Variants in RADIL observed in about 807,000 individuals in gnomAD.
The protein encoded by RADIL is Rap associating with DIL domain.
RADIL carries 99 observed loss-of-function variants against 97.6 expected under a neutral mutation model. That is an observed-to-expected ratio of 1.01 (90% CI 0.86 to 1.20). The LOEUF (loss-of-function observed/expected upper bound fraction) is 1.20, where lower values mean the gene tolerates loss of function less well. Among genes scored for constraint, RADIL ranks in the 50% most tolerant of loss-of-function variants. The pLI, the probability that RADIL is intolerant of heterozygous loss-of-function variation, is 0.00. For missense variants in RADIL, 1,765 were observed against 1,498.9 expected, an observed-to-expected ratio of 1.18 and a Z score of -2.93; for synonymous variants, 803 against 691.8, an observed-to-expected ratio of 1.16 and a Z score of -2.52.
At chr7:4,809,278 C>T (rs941306851) in intron 9 of RADIL, 5 of 985,276 alleles carry the variant, frequency 5.1e-6, no homozygotes, top group Middle Eastern at 5.2e-4. Context: ...CCGGGGCCCC[C>T]CTTCCATCAC....
chr7:4,808,832 CCCT>C, intron 9 of RADIL: 1 of 972,054 alleles, frequency 1.0e-6, no homozygotes, highest in Admixed American at 6.7e-5. Flanking sequence ...ACGCCACTGC[CCCT>C]CCGCGTCTCC....
chr7:4,836,482 A>G lies in RADIL; in HGVS notation c.659T>C (p.Leu220Pro). The G allele has an allele frequency of 6.2e-7, 1 of 1,607,310 alleles. No individual in the cohort carries two copies. The highest frequency in any genetic ancestry group is 8.5e-7 in the Non-Finnish European group (1 of 1,177,848). Residue 220 changes from leucine (L) to proline (P), a missense_variant, in exon 3 of 15, where the codon CTG becomes CCG. Coordinates refer to ENST00000399583, the MANE Select transcript of RADIL (RefSeq NM_018059.5). ...AGCGGGCAGGGCGTTCACTGGGCTCAGGCTGGTCTCACTGACTGTGCGGCG... is the reference window on the plus strand; with the variant it reads ...AGCGGGCAGGGCGTTCACTGGGCTCGGGCTGGTCTCACTGACTGTGCGGCG... Reference protein sequence around the residue: ...RLRRTVSETSLSPVNALPAAA... With the variant: ...RLRRTVSETSPSPVNALPAAA...
chr7:4,805,758 G>A (rs373822238), intron 9 of RADIL, 42 bp from the exon 10 acceptor site: 24 of 1,579,958 alleles, frequency 1.5e-5, no homozygotes, highest in South Asian at 1.3e-4. Context: ...GTCTCTGGGT[G>A]CAGACCCCAG....
At chr7:4,861,756 TCGG>T in intron 2 of RADIL, 3 of 1,488,768 alleles carry the variant, frequency 2.0e-6, no homozygotes, top group South Asian at 1.4e-5. Context: ...CCGTAGCGAT[TCGG>T]CGGCGGCGCC....
intron 5 of RADIL, among the ~76,000 whole-genome samples, chr7:4,831,825 T>G (rs2115220530): frequency 6.6e-6 from 1 of 152,142 alleles, no homozygotes; most frequent in African/African-American, 2.4e-5. Flanking sequence ...GAGGTGTAGG[T>G]TGCTGTGAGC....
chr7:4,877,603 A>G lies in RADIL; in HGVS notation c.535+2T>C, dbSNP rs770263893. The G allele has an allele frequency of 6.3e-7, 1 of 1,586,432 alleles. No individual in the cohort carries two copies. The highest frequency in any genetic ancestry group is 8.6e-7 in the Non-Finnish European group (1 of 1,168,074). ...TCTTCCTGAACCTGTGGCCCCCCTC[A>G]CCTGCCGTGATGGTGTCCACCTCCT... On this transcript the variant is annotated splice_donor_variant, in intron 2 of 14. Coordinates refer to ENST00000399583, the MANE Select transcript of RADIL (RefSeq NM_018059.5). LOFTEE classifies it high-confidence loss of function.
At chr7:4,874,961 G>A (rs932474967) in intron 2 of RADIL, among the ~76,000 whole-genome samples, 12 of 152,246 alleles carry the variant, frequency 7.9e-5, no homozygotes, top group Admixed American at 7.8e-4. Context: ...GGGAGGCCGA[G>A]GCGGGCGGAT....
rs1005995970 is a variant in RADIL, at chr7:4,849,526, T to C, written c.536-12921A>G. Among the ~76,000 whole-genome samples the C allele has an allele frequency of 6.6e-6, 1 of 152,098 alleles. No homozygotes were observed. The highest frequency in any genetic ancestry group is 2.4e-5 in the African/African-American group (1 of 41,428). On this transcript the variant is annotated intron_variant, in intron 2 of 14. Coordinates refer to ENST00000399583, the MANE Select transcript of RADIL (RefSeq NM_018059.5). The surrounding 1 kb of genome is among the most constrained non-coding windows in gnomAD (Gnocchi z 5.4). The stretch of plus-strand genomic sequence containing the variant: ...AGGCTACAGCTTGGTTTTTGTTGCC[T>C]GGGGCAAGGTTCTGAAACATTTCAG...
intron 5 of RADIL, among the ~76,000 whole-genome samples, chr7:4,828,435 G>C (rs956573163): frequency 6.6e-6 from 1 of 152,250 alleles, no homozygotes; most frequent in African/African-American, 2.4e-5. Flanking sequence ...TCCAGCCTGG[G>C]TGACAGAATG....
rs1179285510 is a variant in RADIL, at chr7:4,798,472, A to C, written c.*906T>G. ...GGCCACCAGTTCCACCACAGCCAGG[A>C]GGGCGCGGAAGCCACCCACACCCAG... On this transcript the variant is annotated 3_prime_UTR_variant, in exon 15 of 15. Coordinates refer to ENST00000399583, the MANE Select transcript of RADIL (RefSeq NM_018059.5). 1.3e-5 allele frequency: 2 copies of C among 152,320 alleles called. No individual in the cohort carries two copies. The highest frequency in any genetic ancestry group is 4.8e-5 in the African/African-American group (2 of 41,458). 9.4% of individuals were successfully genotyped at this position (152,320 alleles called of 1,614,324 possible). A position where few individuals can be genotyped will look rare whatever the true frequency, so the allele number is the denominator to read the frequency against.
At position 4,824,980 on chromosome 7, in the gene RADIL, C is replaced by A. The variant is rs1035456721; in HGVS notation, c.1455-2426G>T. Among the ~76,000 whole-genome samples the A allele has an allele frequency of 6.6e-6, 1 of 152,180 alleles. No homozygotes were observed. The highest frequency in any genetic ancestry group is 2.4e-5 in the African/African-American group (1 of 41,444). On this transcript the variant is annotated intron_variant, in intron 5 of 14. Transcript: ENST00000399583. The surrounding 1 kb of genome is among the most constrained non-coding windows in gnomAD (Gnocchi z 6.7). ...TCGGGCCAGGTTGGCACTGAACGCG[C>A]CCCCACCTGCCAACCTGGGGCCATG...
chr7:4,827,656 A>G (rs1298452300), intron 5 of RADIL, among the ~76,000 whole-genome samples: 1 of 152,154 alleles, frequency 6.6e-6, no homozygotes, highest in Non-Finnish European at 1.5e-5. Flanking sequence ...GCGAGTCTCC[A>G]TCGCAAAAAC....
rs759026589 is a variant in RADIL, at chr7:4,813,419, T to G, written c.2139+1859A>C. 1.1e-4 allele frequency among the ~76,000 whole-genome samples: 16 copies of G among 152,172 alleles called. No individual in the cohort carries two copies. Among genetic ancestry groups the G allele is most frequent in the South Asian group, 2.1e-4 (1 of 4,828 alleles). Reference sequence around the variant, plus strand: ...GCTTTTGGTTCCGTTTTAAAGCCTCTCTCCATCGCACTCCCTGGAGATTCA... The same window carrying G: ...GCTTTTGGTTCCGTTTTAAAGCCTCGCTCCATCGCACTCCCTGGAGATTCA... On this transcript the variant is annotated intron_variant, in intron 9 of 14. Coordinates refer to ENST00000399583, the MANE Select transcript of RADIL (RefSeq NM_018059.5). The surrounding 1 kb of genome is among the most constrained non-coding windows in gnomAD (Gnocchi z 5.0).
chr7:4,860,732 G>C (rs758109462), intron 2 of RADIL: 1 of 1,614,036 alleles, frequency 6.2e-7, no homozygotes, highest in East Asian at 2.2e-5. Context: ...AAAGAGTTTG[G>C]ACCACTCTGC....
intron 2 of RADIL, among the ~76,000 whole-genome samples, chr7:4,839,637 A>G (rs984683871): frequency 6.6e-6 from 1 of 152,092 alleles, no homozygotes; most frequent in African/African-American, 2.4e-5. Flanking sequence ...GACTTATTTC[A>G]TTTTTTTAAA....
At chr7:4,847,546 T>C (rs1428698299) in intron 2 of RADIL, among the ~76,000 whole-genome samples, 2 of 151,988 alleles carry the variant, frequency 1.3e-5, no homozygotes, top group East Asian at 1.9e-4. Context: ...TATGCACAAA[T>C]GTTCACAGCA....
chr7:4,835,367 T>G lies in RADIL; in HGVS notation c.784-128A>C, dbSNP rs1783266783. The G allele has an allele frequency of 1.6e-6, 2 of 1,230,008 alleles. No individual in the cohort carries two copies. Among genetic ancestry groups the G allele is most frequent in the Non-Finnish European group, 1.1e-6 (1 of 888,538 alleles). The allele number at this position is 1,230,008 out of a possible 1,614,324, so 76.2% of individuals were successfully genotyped here. On this transcript the variant is annotated intron_variant, in intron 3 of 14. Transcript: ENST00000399583. The surrounding 1 kb of genome is among the most constrained non-coding windows in gnomAD (Gnocchi z 5.8). Reference sequence around the variant, plus strand: ...TGTCGCCACGGGCTCTCCATGTCCCTGGCCACCCCCACACCAGAACCCCGA... The same window carrying G: ...TGTCGCCACGGGCTCTCCATGTCCCGGGCCACCCCCACACCAGAACCCCGA...
intron 9 of RADIL, among the ~76,000 whole-genome samples, chr7:4,809,794 C>A (rs186261337): frequency 6.6e-6 from 1 of 151,662 alleles, no homozygotes; most frequent in African/African-American, 2.4e-5. Context: ...GTGATTCATA[C>A]GTCTCAGCCT....
At chr7:4,860,357 G>A in intron 2 of RADIL, 1 of 1,613,978 alleles carries the variant, frequency 6.2e-7, no homozygotes, top group Non-Finnish European at 8.5e-7. Context: ...ATGCATTGCA[G>A]TAATTTTCAT....
Sources: gnomAD v4.1 joint callset for allele counts (sites outside exome capture counted in the v4.1 genomes callset) on GRCh38, gnomAD v4.1.1 for gene constraint, Gnocchi (gnomAD v3.1) non-coding constraint, MANE v1.5 for transcripts, NCBI Gene and HGNC (gene_info 2026-07-23, HGNC 2026-07-21) for gene names.